The following NEURL1 variants were observed in gnomAD, a reference collection of about 807,000 sequenced individuals.
NEURL1 encodes E3 ubiquitin-protein ligase NEURL1.
A neutral mutation model predicts 41.2 loss-of-function variants in NEURL1; 26 were observed. The observed-to-expected ratio is 0.63, with a 90% CI of 0.46 to 0.87. The LOEUF (loss-of-function observed/expected upper bound fraction) is 0.87, where lower values mean the gene tolerates loss of function less well. Ranked by LOEUF, NEURL1 falls within the 40% of genes least tolerant of loss-of-function variation. The probability of loss-of-function intolerance (pLI) is 0.00; values close to 1 mark genes in which losing one functional copy is unlikely to be tolerated. For synonymous variants in NEURL1, 400 were observed against 402.3 expected (o/e 0.99, Z 0.07); for missense variants, 761 against 871.1 (o/e 0.87, Z 1.59).
intron 1 of NEURL1, among the ~76,000 whole-genome samples, chr10:103,500,965 A>G (rs1263798304): frequency 6.6e-6 from 1 of 152,050 alleles, no homozygotes; most frequent in African/African-American, 2.4e-5. Context: ...TCCTCAGAGG[A>G]GGAGAGCCCA....
At chr10:103,513,259 A>G (rs903570128) in intron 1 of NEURL1, among the ~76,000 whole-genome samples, 2 of 152,226 alleles carry the variant, frequency 1.3e-5, no homozygotes, top group Admixed American at 1.3e-4. Flanking sequence ...TTTCATTTTT[A>G]GTGCTTACTA....
chr10:103,497,339 G>C (rs773420787), intron 1 of NEURL1, among the ~76,000 whole-genome samples: 2 of 152,194 alleles, frequency 1.3e-5, no homozygotes, highest in Non-Finnish European at 2.9e-5. Context: ...CTGGGATGGC[G>C]TCTGTACTCA....
At chr10:103,559,898 GCACACACACAA>G (rs892888307) in intron 1 of NEURL1, among the ~76,000 whole-genome samples, 2 of 151,550 alleles carry the variant, frequency 1.3e-5, no homozygotes, top group African/African-American at 4.9e-5. Context: ...ACACATGCAT[GCACACACACAA>G]CACACACATG....
At chr10:103,541,412 G>A (rs1054200194) in intron 1 of NEURL1, among the ~76,000 whole-genome samples, 1 of 152,112 alleles carries the variant, frequency 6.6e-6, no homozygotes, top group Non-Finnish European at 1.5e-5. Flanking sequence ...AGTTTGGTGG[G>A]AGCATATCAG....
chr10:103,526,820 A>AT (rs2034468468), intron 1 of NEURL1, among the ~76,000 whole-genome samples: 1 of 150,466 alleles, frequency 6.6e-6, no homozygotes, highest in Admixed American at 6.6e-5. Context: ...GTTTTCTTTT[A>AT]TTTTTCTGCA....
Position 103,541,434 on chromosome 10 carries a change from A to C in NEURL1, c.86-29438A>C, listed in dbSNP as rs181370826. On this transcript the variant is annotated intron_variant, in intron 1 of 5. Transcript: ENST00000369780. Reference sequence around the variant, plus strand: ...TGGGAGCATATCAGACTATAGTGCAATTCTAAGAAAAGTTCTGCAAGACCT... The same window carrying C: ...TGGGAGCATATCAGACTATAGTGCACTTCTAAGAAAAGTTCTGCAAGACCT... Among the ~76,000 whole-genome samples, 194 of 152,256 alleles carry C rather than the reference A, an allele frequency of 1.3e-3. 1 individual carries two copies. Among genetic ancestry groups the C allele is most frequent in the African/African-American group, 3.3e-3 (138 of 41,540 alleles).
chr10:103,524,764 G>A (rs2034426833), intron 1 of NEURL1, among the ~76,000 whole-genome samples: 1 of 152,098 alleles, frequency 6.6e-6, no homozygotes. Context: ...ATAAATACAT[G>A]GGTTTATGTC....
chr10:103,538,809 G>A (rs1270944771), intron 1 of NEURL1, among the ~76,000 whole-genome samples: 1 of 151,170 alleles, frequency 6.6e-6, no homozygotes, highest in Non-Finnish European at 1.5e-5. Context: ...ACCTTGCCCC[G>A]CTAATTTTCG....
chr10:103,579,446 G>A (rs545836168), intron 3 of NEURL1, among the ~76,000 whole-genome samples: 1 of 152,304 alleles, frequency 6.6e-6, no homozygotes, highest in African/African-American at 2.4e-5. Flanking sequence ...TTCCCACCAG[G>A]AGAGTTTTTC....
At chr10:103,543,121 C>G (rs1414916753) in intron 1 of NEURL1, among the ~76,000 whole-genome samples, 1 of 152,184 alleles carries the variant, frequency 6.6e-6, no homozygotes, top group Non-Finnish European at 1.5e-5. Context: ...CCGGGAGAAG[C>G]TGGGAGGGAG....
At chr10:103,503,785 T>C (rs7893858) in intron 1 of NEURL1, among the ~76,000 whole-genome samples, 73,569 of 131,628 alleles carry the variant, frequency 0.56, 21,392 homozygotes, top group East Asian at 0.72. Flanking sequence ...GTGCTCCCCC[T>C]GGCTTTTTTT....
At chr10:103,560,008 C>T (rs760047916) in intron 1 of NEURL1, among the ~76,000 whole-genome samples, 1 of 151,946 alleles carries the variant, frequency 6.6e-6, no homozygotes, top group Non-Finnish European at 1.5e-5. Flanking sequence ...AATGCACGCA[C>T]ACATGCACAC....
intron 1 of NEURL1, among the ~76,000 whole-genome samples, chr10:103,541,067 C>T (rs548480551): frequency 6.6e-6 from 1 of 152,086 alleles, no homozygotes; most frequent in Non-Finnish European, 1.5e-5. Flanking sequence ...TAACTGAACT[C>T]GATAATGTAA....
intron 1 of NEURL1, among the ~76,000 whole-genome samples, chr10:103,506,073 G>C (rs2033939605): frequency 6.6e-6 from 1 of 152,226 alleles, no homozygotes; most frequent in African/African-American, 2.4e-5. Flanking sequence ...GCCCTAGAAT[G>C]CCATCCTGGC....
At chr10:103,559,169 C>T (rs2035227308) in intron 1 of NEURL1, among the ~76,000 whole-genome samples, 2 of 152,310 alleles carry the variant, frequency 1.3e-5, no homozygotes, top group East Asian at 3.9e-4. Flanking sequence ...AGAAGGCATC[C>T]AGTGGCCTTG....
At chr10:103,522,836 G>A (rs1298001961) in intron 1 of NEURL1, among the ~76,000 whole-genome samples, 3 of 152,054 alleles carry the variant, frequency 2.0e-5, no homozygotes, top group Non-Finnish European at 4.4e-5. Context: ...CCTAAGGCAC[G>A]CTCTCCAGTA....
chr10:103,571,614 G>A lies in NEURL1; in HGVS notation c.441G>A (p.Val147=), dbSNP rs1316059542. 5.6e-6 allele frequency: 9 copies of A among 1,614,044 alleles called. No homozygotes were observed. Among genetic ancestry groups the A allele is most frequent in the African/African-American group, 1.3e-5 (1 of 74,950 alleles). ...SLPKYACPDL[V]SQSGFWAKAL... is the part of the protein sequence containing the mutation. Reference sequence around the variant, plus strand: ...CCAAGTACGCCTGCCCCGACCTGGTGTCCCAGAGTGGCTTCTGGGCCAAGG... The same window carrying A: ...CCAAGTACGCCTGCCCCGACCTGGTATCCCAGAGTGGCTTCTGGGCCAAGG... The change falls in exon 3 of 6, where the codon GTG becomes GTA. Residue 147 remains valine (V), a synonymous_variant. Coordinates refer to ENST00000369780, the MANE Select transcript of NEURL1 (RefSeq NM_004210.5).
At chr10:103,501,139 T>C (rs1016730521) in intron 1 of NEURL1, among the ~76,000 whole-genome samples, 2 of 152,174 alleles carry the variant, frequency 1.3e-5, no homozygotes, top group African/African-American at 4.8e-5. Context: ...AGGTCAATCT[T>C]TGAAGGTAGG....
At chr10:103,574,045 A>G (rs1233384664) in intron 3 of NEURL1, among the ~76,000 whole-genome samples, 1 of 152,038 alleles carries the variant, frequency 6.6e-6, no homozygotes. Context: ...CTTCTGCCTG[A>G]CCTGCAGAGG....
Sources: allele counts gnomAD v4.1 joint callset (sites outside exome capture counted in the v4.1 genomes callset), GRCh38; gene constraint gnomAD v4.1.1; transcripts MANE v1.5; gene names NCBI Gene and HGNC (gene_info 2026-07-23, HGNC 2026-07-21).